The following PRTG variants were observed in gnomAD, a reference collection of about 807,000 sequenced individuals.
PRTG encodes the protein protogenin.
Under a neutral mutation model 122.5 loss-of-function variants are expected in PRTG, and 67 were observed. The ratio of observed to expected loss-of-function variants is 0.55; its 90% confidence interval spans 0.45 to 0.67. The LOEUF (loss-of-function observed/expected upper bound fraction) is 0.67. PRTG is among the 30% of genes least tolerant of loss of function. The pLI is 0.00. For synonymous variants in PRTG, 554 were observed against 501.1 expected, an observed-to-expected ratio of 1.11 and a Z score of -1.41; for missense variants, 1,435 against 1,415.4, an observed-to-expected ratio of 1.01 and a Z score of -0.22.
chr15:55,634,951 T>C (rs976703682), intron 15 of PRTG, among the ~76,000 whole-genome samples: 3 of 152,158 alleles, frequency 2.0e-5, no homozygotes, highest in Non-Finnish European at 4.4e-5. Context: ...GACTTGGCCA[T>C]GTAGCTTACT....
intron 15 of PRTG, among the ~76,000 whole-genome samples, chr15:55,630,132 G>A (rs184463052): frequency 2.6e-5 from 4 of 151,972 alleles, no homozygotes; most frequent in East Asian, 1.9e-4. Context: ...GACTATAGGC[G>A]CCCGCCACCA....
chr15:55,643,639 G>T (rs562013541), intron 11 of PRTG, among the ~76,000 whole-genome samples: 5 of 152,022 alleles, frequency 3.3e-5, no homozygotes, highest in Middle Eastern at 3.4e-3. Context: ...GCCCAGGCTG[G>T]TGTCCAACTC....
intron 12 of PRTG, among the ~76,000 whole-genome samples, chr15:55,640,193 A>T (rs1215847521): frequency 2.0e-5 from 3 of 152,164 alleles, no homozygotes; most frequent in Admixed American, 2.0e-4. Context: ...AGGCTATAAA[A>T]CTGTATAGCA....
At chr15:55,680,933 A>G (rs1847487631) in intron 4 of PRTG, among the ~76,000 whole-genome samples, 1 of 152,118 alleles carries the variant, frequency 6.6e-6, no homozygotes, top group Admixed American at 6.6e-5. Flanking sequence ...AGTAACCACT[A>G]ATCTACTTTC....
At chr15:55,636,293 G>A (rs139136965) in intron 15 of PRTG, among the ~76,000 whole-genome samples, 5 of 151,672 alleles carry the variant, frequency 3.3e-5, no homozygotes, top group African/African-American at 9.7e-5. Flanking sequence ...ATATTCATAC[G>A]GGTCAATTTT....
rs948027945 is a variant in PRTG at position 55,616,600 on chromosome 15, G to C, written c.*3412C>G. The stretch of plus-strand genomic sequence containing the variant: ...TGGAAAGTCCTCATGCATGTTATTT[G>C]TATACAGACTGTGTTCCGAAGAGAC... On this transcript the variant is annotated 3_prime_UTR_variant, in exon 20 of 20. Transcript: ENST00000389286. 16 of 152,116 alleles carry C rather than the reference G, an allele frequency of 1.1e-4. No individual in the cohort carries two copies. The highest frequency in any genetic ancestry group is 3.9e-4 in the African/African-American group (16 of 41,450). The allele number at this position is 152,116 out of a possible 1,614,324, so 9.4% of individuals were successfully genotyped here.
At chr15:55,670,403 T>C (rs1255023442) in intron 11 of PRTG, among the ~76,000 whole-genome samples, 1 of 152,178 alleles carries the variant, frequency 6.6e-6, no homozygotes, top group Admixed American at 6.5e-5. Flanking sequence ...TCATCAACAA[T>C]TGTCCCAAAT....
chr15:55,660,309 GT>G (rs1402767300), intron 11 of PRTG, among the ~76,000 whole-genome samples: 1 of 151,686 alleles, frequency 6.6e-6, no homozygotes, highest in African/African-American at 2.4e-5. Flanking sequence ...TGCAGCAAAT[GT>G]TTTTTTTCTG....
intron 2 of PRTG, among the ~76,000 whole-genome samples, chr15:55,736,933 T>C (rs989318880): frequency 6.6e-6 from 1 of 152,206 alleles, no homozygotes; most frequent in Admixed American, 6.5e-5. Context: ...CCTCCTCCTT[T>C]ACTTCTCTCA....
At chr15:55,697,831 G>A (rs1530087) in intron 2 of PRTG, among the ~76,000 whole-genome samples, 23,778 of 152,210 alleles carry the variant, frequency 0.16, 2,964 homozygotes, top group East Asian at 0.63. Flanking sequence ...GTTCTGTAAA[G>A]TAAGGGACTT....
intron 2 of PRTG, among the ~76,000 whole-genome samples, chr15:55,724,323 TGTCA>T (rs1275646383): frequency 6.6e-6 from 1 of 152,208 alleles, no homozygotes; most frequent in African/African-American, 2.4e-5. Context: ...CTTCAATCAG[TGTCA>T]GTATTTCCTT....
intron 11 of PRTG, among the ~76,000 whole-genome samples, chr15:55,671,560 T>C (rs1241714765): frequency 6.6e-6 from 1 of 152,144 alleles, no homozygotes; most frequent in Non-Finnish European, 1.5e-5. Flanking sequence ...AGTGGCGCGA[T>C]CTTCCTTGGC....
rs2059548970 is a variant in PRTG at position 55,682,918 on chromosome 15, A to G, written c.543-421T>C. On this transcript the variant is annotated intron_variant, in intron 3 of 19. Transcript: ENST00000389286. ...TGATAGGAATACACTCAACCTTTTT[A>G]CAGTGCTACAAGCAATACTTTAAAG... Among the ~76,000 whole-genome samples the G allele has an allele frequency of 2.6e-5, 4 of 152,252 alleles. No homozygotes were observed. In the South Asian group the frequency reaches 6.2e-4, roughly 24 times the overall value.
At chr15:55,622,826 G>A (rs1316169038) in intron 18 of PRTG, among the ~76,000 whole-genome samples, 2 of 152,008 alleles carry the variant, frequency 1.3e-5, no homozygotes, top group East Asian at 1.9e-4. Context: ...GTGAACCACC[G>A]CACTTGGCCT....
intron 2 of PRTG, among the ~76,000 whole-genome samples, chr15:55,723,516 T>C (rs2030906822): frequency 6.6e-6 from 1 of 151,914 alleles, no homozygotes; most frequent in Non-Finnish European, 1.5e-5. Context: ...GAAAGAGTAT[T>C]TGAAAAAATA....
chr15:55,646,011 AT>A (rs1414369287), intron 11 of PRTG, among the ~76,000 whole-genome samples: 3 of 151,704 alleles, frequency 2.0e-5, no homozygotes, highest in Non-Finnish European at 4.4e-5. Flanking sequence ...ATTATTTATT[AT>A]TTTTTATTTT....
chr15:55,711,119 A>G (rs573384217), intron 2 of PRTG, among the ~76,000 whole-genome samples: 35 of 142,314 alleles, frequency 2.5e-4, no homozygotes, highest in Non-Finnish European at 4.7e-4. Flanking sequence ...ATGAGGTTTC[A>G]CCATGTTAGT....
At chr15:55,711,056 G>A (rs533108566) in intron 2 of PRTG, among the ~76,000 whole-genome samples, 3 of 150,324 alleles carry the variant, frequency 2.0e-5, no homozygotes, top group South Asian at 4.3e-4. Flanking sequence ...ACAGGCGCCT[G>A]CCACCACACC....
At chr15:55,698,680 T>A (rs1364542695) in intron 2 of PRTG, among the ~76,000 whole-genome samples, 1 of 152,172 alleles carries the variant, frequency 6.6e-6, no homozygotes, top group Non-Finnish European at 1.5e-5. Flanking sequence ...AGGAGGCTCC[T>A]GGGAATGGAT....
Sources: gnomAD v4.1 joint callset for allele counts (sites outside exome capture counted in the v4.1 genomes callset) on GRCh38, gnomAD v4.1.1 for gene constraint, MANE v1.5 for transcripts, NCBI Gene and HGNC (gene_info 2026-07-23, HGNC 2026-07-21) for gene names.